ACOT7: variants seen among roughly 807,000 people sequenced by gnomAD.
The protein encoded by ACOT7 is acyl-CoA thioesterase 7.
ACOT7 carries 12 observed loss-of-function variants against 40.2 expected under a neutral mutation model. The ratio of observed to expected loss-of-function variants is 0.30; its 90% CI spans 0.19 to 0.48. ACOT7 has a LOEUF of 0.48. Ranked by LOEUF, ACOT7 falls within the 20% of genes least tolerant of loss-of-function variation. The pLI is 0.99. For missense variants in ACOT7, 395 were observed against 530.8 expected (o/e 0.74, Z 2.51); for synonymous variants, 228 against 219.5 (o/e 1.04, Z -0.34).
At chr1:6,269,553 G>A (rs1638963917) in intron 8 of ACOT7, among the ~76,000 whole-genome samples, 1 of 152,392 alleles carries the variant, frequency 6.6e-6, no homozygotes, top group East Asian at 1.9e-4. Flanking sequence ...GCCTGAGGCG[G>A]GCACGAGCCC....
Position 6,311,740 on chromosome 1 carries a change from C to T in ACOT7, c.712+6752G>A, listed in dbSNP as rs1640337121. ...GGAAACTTGCTGAGAAGAAGGGAAACACACTCATGGACACACGAGTCCAGG... is the reference window on the plus strand; with the variant it reads ...GGAAACTTGCTGAGAAGAAGGGAAATACACTCATGGACACACGAGTCCAGG... On this transcript the variant is annotated intron_variant, in intron 6 of 8. Transcript: ENST00000361521. The surrounding 1 kb of genome is among the most constrained non-coding windows in gnomAD (Gnocchi z 5.2). 1.3e-5 allele frequency among the ~76,000 whole-genome samples: 2 copies of T among 152,170 alleles called. 1 individual carries two copies. The highest frequency in any genetic ancestry group is 2.9e-5 in the Non-Finnish European group (2 of 68,018).
intron 4 of ACOT7, among the ~76,000 whole-genome samples, chr1:6,333,130 T>C (rs572557696): frequency 4.6e-5 from 7 of 152,260 alleles, no homozygotes; most frequent in South Asian, 2.1e-4. Context: ...GGTTAGGGAG[T>C]GTGACAAAAA....
At chr1:6,344,152 C>G (rs1181760457) in intron 2 of ACOT7, among the ~76,000 whole-genome samples, 3 of 152,148 alleles carry the variant, frequency 2.0e-5, no homozygotes, top group Non-Finnish European at 2.9e-5. Context: ...CACCAGAACA[C>G]AGGGACGCAG....
Position 6,369,272 on chromosome 1 carries a change from C to T in ACOT7, c.144-19406G>A, listed in dbSNP as rs193060802. ...TTGGGATTACAGGCGTGAGCCACCTCGCCTGGTCTATAAATATTCTTAATG... is the reference window on the plus strand; with the variant it reads ...TTGGGATTACAGGCGTGAGCCACCTTGCCTGGTCTATAAATATTCTTAATG... On this transcript the variant is annotated intron_variant, in intron 1 of 8. Transcript: ENST00000361521. 3.6e-3 allele frequency among the ~76,000 whole-genome samples: 551 copies of T among 152,188 alleles called. 5 individuals carry two copies. The highest frequency in any genetic ancestry group is 0.013 in the African/African-American group (529 of 41,546).
At chr1:6,302,791 G>A (rs1313455898) in intron 6 of ACOT7, among the ~76,000 whole-genome samples, 1 of 151,972 alleles carries the variant, frequency 6.6e-6, no homozygotes, top group African/African-American at 2.4e-5. Flanking sequence ...AGAGCAATGA[G>A]GTCAGATGGT....
At chr1:6,370,457 GTATTATTATTATTATTATTATTAT>G (rs34962967) in intron 1 of ACOT7, among the ~76,000 whole-genome samples, 44 of 140,808 alleles carry the variant, frequency 3.1e-4, no homozygotes, top group Non-Finnish European at 5.3e-4. Context: ...AGCAGTGTTA[GTATTATTATTATTATTATTATTAT>G]TATTATTATT....
Position 6,338,687 on chromosome 1 carries a change from C to T in ACOT7, c.418+746G>A, listed in dbSNP as rs995870594. 2.6e-5 allele frequency among the ~76,000 whole-genome samples: 4 copies of T among 152,124 alleles called. No individual in the cohort carries two copies. Among genetic ancestry groups the T allele is most frequent in the African/African-American group, 9.7e-5 (4 of 41,428 alleles). On this transcript the variant is annotated intron_variant, in intron 3 of 8. Coordinates refer to ENST00000361521, the MANE Select transcript of ACOT7 (RefSeq NM_007274.4). The surrounding 1 kb of genome is among the most constrained non-coding windows in gnomAD (Gnocchi z 4.4). ...CTGGCACTCCACGGGGCAGCCACTGCTGAGGAACAGGCATGGGGAAGAGGA... is the reference window on the plus strand; with the variant it reads ...CTGGCACTCCACGGGGCAGCCACTGTTGAGGAACAGGCATGGGGAAGAGGA...
At chr1:6,331,503 C>T (rs1386359959) in intron 4 of ACOT7, among the ~76,000 whole-genome samples, 2 of 152,216 alleles carry the variant, frequency 1.3e-5, no homozygotes, top group Non-Finnish European at 2.9e-5. Flanking sequence ...CTTCTGGCCT[C>T]CAGAACTGTG....
rs183765053 is a variant in ACOT7 at position 6,300,764 on chromosome 1, C to T, written c.713-5784G>A. Among the ~76,000 whole-genome samples, 508 of 152,028 alleles carry T rather than the reference C, an allele frequency of 3.3e-3. 3 individuals are homozygous for T. Among genetic ancestry groups the T allele is most frequent in the African/African-American group, 0.012 (489 of 41,418 alleles). On this transcript the variant is annotated intron_variant, in intron 6 of 8. Transcript: ENST00000361521. ...TATCCTGATGTGTGGCCGGCCCCTCCCCTCTCCACAAACACGGAATCTCAC... is the reference window on the plus strand; with the variant it reads ...TATCCTGATGTGTGGCCGGCCCCTCTCCTCTCCACAAACACGGAATCTCAC...
intron 5 of ACOT7, among the ~76,000 whole-genome samples, chr1:6,321,198 C>G (rs1279433515): frequency 2.0e-5 from 3 of 152,206 alleles, no homozygotes; most frequent in Non-Finnish European, 4.4e-5. Context: ...CAAGCGGGCA[C>G]TGGGAAATAG....
chr1:6,371,888 T>C (rs777741051), intron 1 of ACOT7, among the ~76,000 whole-genome samples: 1 of 151,510 alleles, frequency 6.6e-6, no homozygotes, highest in Non-Finnish European at 1.5e-5. Context: ...CTTCTAAAAA[T>C]AAAAAAATTA....
At chr1:6,284,139 C>A (rs1300426622) in intron 7 of ACOT7, among the ~76,000 whole-genome samples, 1 of 152,186 alleles carries the variant, frequency 6.6e-6, no homozygotes, top group Non-Finnish European at 1.5e-5. Context: ...ATCCCATCTC[C>A]TAGACCCTGG....
Position 6,312,509 on chromosome 1 carries a change from G to C in ACOT7, c.712+5983C>G, listed in dbSNP as rs141692076. ...GGCAGAGTCTCGCTCTGTCACCCAG[G>C]CTGGCTGGATTGGAGTGGCATGATC... On this transcript the variant is annotated intron_variant, in intron 6 of 8. Coordinates refer to ENST00000361521, the MANE Select transcript of ACOT7 (RefSeq NM_007274.4). 2.2e-3 allele frequency among the ~76,000 whole-genome samples: 334 copies of C among 149,590 alleles called. 6 individuals carry two copies. The highest frequency in any genetic ancestry group is 0.014 in the Middle Eastern group (4 of 292).
rs772630534 is a variant in ACOT7 at position 6,340,901 on chromosome 1, C to T, written c.262-1312G>A. ...AAATACAAAAGTTACCCGGGCGTGG[C>T]GGTGCACATCTGTAATCCCAGCTAC... On this transcript the variant is annotated intron_variant, in intron 2 of 8. Transcript: ENST00000361521. Among the ~76,000 whole-genome samples, 197 of 151,684 alleles carry T rather than the reference C, an allele frequency of 1.3e-3. 1 individual carries two copies. The highest frequency in any genetic ancestry group is 1.6e-3 in the Non-Finnish European group (110 of 67,898).
chr1:6,390,536 C>T (rs972290382), intron 1 of ACOT7, among the ~76,000 whole-genome samples: 2 of 152,112 alleles, frequency 1.3e-5, no homozygotes, highest in African/African-American at 4.8e-5. Flanking sequence ...TGTGTCACCG[C>T]ACTCCAGCCT....
chr1:6,337,029 A>G (rs742506), intron 3 of ACOT7, among the ~76,000 whole-genome samples: 37,631 of 152,138 alleles, frequency 0.25, 6,684 homozygotes, highest in African/African-American at 0.51. Context: ...GAAGCTGGGA[A>G]GAAGAACCTG....
intron 7 of ACOT7, among the ~76,000 whole-genome samples, chr1:6,293,593 T>C (rs1056432631): frequency 6.6e-6 from 1 of 152,180 alleles, no homozygotes; most frequent in African/African-American, 2.4e-5. Flanking sequence ...CCTGGCTACC[T>C]GGGAGGCTGA....
chr1:6,349,530 T>C (rs1641527796), intron 2 of ACOT7, among the ~76,000 whole-genome samples: 1 of 152,194 alleles, frequency 6.6e-6, no homozygotes, highest in Non-Finnish European at 1.5e-5. Flanking sequence ...GCTTGACGCT[T>C]CATCTCTGGT....
chr1:6,367,417 T>C (rs1642034257), intron 1 of ACOT7, among the ~76,000 whole-genome samples: 1 of 152,206 alleles, frequency 6.6e-6, no homozygotes, highest in South Asian at 2.1e-4. Context: ...TGGCTCATGC[T>C]ACCAGCCTGG....
Sources: gnomAD v4.1 joint callset for allele counts (sites outside exome capture counted in the v4.1 genomes callset) on GRCh38, gnomAD v4.1.1 for gene constraint, Gnocchi (gnomAD v3.1) non-coding constraint, MANE v1.5 for transcripts, NCBI Gene and HGNC (gene_info 2026-07-23, HGNC 2026-07-21) for gene names.